The following CFAP97 variants were observed in gnomAD, a reference collection of about 807,000 sequenced individuals.
The protein encoded by CFAP97 is cilia and flagella associated protein 97.
CFAP97 carries 36 observed loss-of-function variants against 43.1 expected under a neutral mutation model. The observed-to-expected ratio is 0.84, with a 90% CI of 0.64 to 1.10. CFAP97 has a LOEUF of 1.10. Among genes scored for constraint, CFAP97 ranks in the 50% least tolerant of loss-of-function variants. The probability of loss-of-function intolerance (pLI) is 0.00; values close to 1 mark genes in which losing one functional copy is unlikely to be tolerated. For synonymous variants in CFAP97, 228 were observed against 225.7 expected (o/e 1.01, Z -0.09); for missense variants, 657 against 620.3 (o/e 1.06, Z -0.63).
At chr4:185,180,013 T>G (rs931169169) in intron 2 of CFAP97, among the ~76,000 whole-genome samples, 2 of 152,220 alleles carry the variant, frequency 1.3e-5, no homozygotes, top group African/African-American at 4.8e-5. Flanking sequence ...TCTCTTTTAG[T>G]GATGTTCACA....
intron 3 of CFAP97, among the ~76,000 whole-genome samples, chr4:185,164,687 A>G (rs1041086046): frequency 1.3e-5 from 2 of 152,190 alleles, no homozygotes; most frequent in African/African-American, 4.8e-5. Context: ...CAGAACAACA[A>G]CAACAAACAA....
chr4:185,171,385 T>G (rs190074602), intron 3 of CFAP97, among the ~76,000 whole-genome samples: 1 of 152,262 alleles, frequency 6.6e-6, no homozygotes, highest in East Asian at 1.9e-4. Context: ...TAAGGACTAT[T>G]TTATTTACAC....
intron 2 of CFAP97, among the ~76,000 whole-genome samples, chr4:185,177,256 A>G (rs907527225): frequency 6.6e-6 from 1 of 151,868 alleles, no homozygotes; most frequent in Admixed American, 6.6e-5. Flanking sequence ...CTACTAAAAT[A>G]CAAAAAATTG....
Position 185,190,150 on chromosome 4 carries a change from G to A in CFAP97, c.1047C>T (p.Leu349=), listed in dbSNP as rs1212904267. ...AGAAGAAAAGAAAATTACCTTTCAA[G>A]AGATGATTCAGATCCATTGTGTCAT... ...VLHDTMDLNH[L]LKAFLQLDKK... The change falls in exon 2 of 5, where the codon CTC becomes CTT. Residue 349 remains leucine (L), a synonymous_variant. Transcript: ENST00000458385. 1.3e-6 allele frequency: 2 copies of A among 1,549,462 alleles called. No homozygotes were observed. Among genetic ancestry groups the A allele is most frequent in the African/African-American group, 1.4e-5 (1 of 71,886 alleles).
upstream of CFAP97, among the ~76,000 whole-genome samples, chr4:185,204,898 T>A (rs549582479): frequency 6.6e-6 from 1 of 152,348 alleles, no homozygotes; most frequent in East Asian, 1.9e-4. Context: ...TTAGACTTAA[T>A]ACCTTAAGCA....
At chr4:185,182,726 C>T (rs1204181501) in intron 2 of CFAP97, among the ~76,000 whole-genome samples, 1 of 152,188 alleles carries the variant, frequency 6.6e-6, no homozygotes, top group Admixed American at 6.5e-5. Context: ...ATGCCCTATA[C>T]TGGTAGATTC....
At chr4:185,170,044 G>T in intron 3 of CFAP97, 1 of 1,178,100 alleles carries the variant, frequency 8.5e-7, no homozygotes. Context: ...TTCCACATAA[G>T]AGTTCTGAAG....
intron 1 of CFAP97, among the ~76,000 whole-genome samples, chr4:185,196,443 G>A (rs926482501): frequency 4.0e-5 from 6 of 149,536 alleles, no homozygotes; most frequent in Non-Finnish European, 8.9e-5. Flanking sequence ...TTCCAGCCTG[G>A]GGGACAGAAG....
intron 3 of CFAP97, among the ~76,000 whole-genome samples, chr4:185,170,920 G>A (rs1735274169): frequency 1.4e-5 from 2 of 141,962 alleles, no homozygotes; most frequent in Admixed American, 1.6e-4. Context: ...AGGAGGCAGA[G>A]GTTGCAGTGA....
chr4:185,192,884 G>A (rs949514071), intron 1 of CFAP97, among the ~76,000 whole-genome samples: 1 of 151,930 alleles, frequency 6.6e-6, no homozygotes, highest in African/African-American at 2.4e-5. Flanking sequence ...GGGACTACAG[G>A]CGCCCGCCAC....
upstream of CFAP97, chr4:185,204,038 GC>G (rs1441461996): frequency 1.0e-3 from 158 of 151,082 alleles, 3 homozygotes; most frequent in South Asian, 0.032. Flanking sequence ...GGGGCCCGGC[GC>G]TTCGGGAGAG....
chr4:185,188,379 G>A (rs1412163217), intron 2 of CFAP97, among the ~76,000 whole-genome samples: 1 of 149,364 alleles, frequency 6.7e-6, no homozygotes, highest in African/African-American at 2.5e-5. Flanking sequence ...GTCTCGCTCT[G>A]TCATCCAGGC....
At chr4:185,194,669 AG>A (rs1212016665) in intron 1 of CFAP97, among the ~76,000 whole-genome samples, 4 of 152,234 alleles carry the variant, frequency 2.6e-5, no homozygotes, top group African/African-American at 9.6e-5. Flanking sequence ...CTGGGACTAC[AG>A]GTGCATACCA....
chr4:185,208,354 C>T (rs551230361), upstream of CFAP97, among the ~76,000 whole-genome samples: 3 of 152,102 alleles, frequency 2.0e-5, no homozygotes, highest in Admixed American at 6.5e-5. Context: ...AAACTGGTAA[C>T]TTATTTTGAT....
rs370373252 is a variant in CFAP97 at position 185,202,521 on chromosome 4, C to T, written c.-17+1377G>A. Among the ~76,000 whole-genome samples, 7 of 150,444 alleles carry T rather than the reference C, an allele frequency of 4.7e-5. No individual in the cohort carries two copies. In the East Asian group the frequency reaches 7.7e-4, roughly 17 times the overall value. ...CGAGATCAGGCCACTGCACTCCAGC[C>T]TAGGCAACAGAGTGAGATCCTATCT... On this transcript the variant is annotated intron_variant, in intron 1 of 4. Coordinates refer to ENST00000458385, the MANE Select transcript of CFAP97 (RefSeq NM_020827.3).
intron 2 of CFAP97, among the ~76,000 whole-genome samples, chr4:185,189,780 G>A (rs1431233336): frequency 6.6e-6 from 1 of 152,268 alleles, no homozygotes; most frequent in South Asian, 2.1e-4. Context: ...GTGTTAACCT[G>A]AGCACTGCTG....
chr4:185,194,986 G>C (rs763766960), intron 1 of CFAP97, among the ~76,000 whole-genome samples: 3 of 152,172 alleles, frequency 2.0e-5, no homozygotes, highest in Non-Finnish European at 2.9e-5. Context: ...ATATGATTCT[G>C]CTACTTCCCA....
intron 4 of CFAP97, 117 bp from the exon 5 acceptor site, chr4:185,163,042 G>GA (rs5864930): frequency 0.46 from 380,911 of 830,466 alleles, 90,804 homozygotes; most frequent in African/African-American, 0.61. Flanking sequence ...TCTCGACTAG[G>GA]ATGCACTTCA....
At chr4:185,180,287 TACC>T (rs1735731215) in intron 2 of CFAP97, among the ~76,000 whole-genome samples, 1 of 152,286 alleles carries the variant, frequency 6.6e-6, no homozygotes, top group South Asian at 2.1e-4. Flanking sequence ...ACACAAAATT[TACC>T]ACGTTAACCA....
Sources: allele counts gnomAD v4.1 joint callset (sites outside exome capture counted in the v4.1 genomes callset), GRCh38; gene constraint gnomAD v4.1.1; transcripts MANE v1.5; gene names NCBI Gene and HGNC (gene_info 2026-07-23, HGNC 2026-07-21).